Variants in CRPPA observed in about 807,000 individuals in gnomAD.
CRPPA encodes the protein D-ribitol-5-phosphate cytidylyltransferase.
A neutral mutation model predicts 52.0 loss-of-function variants in CRPPA; 43 were observed. That is an observed-to-expected ratio of 0.83 (90% CI 0.65 to 1.07). CRPPA has a LOEUF of 1.07. Ranked by LOEUF, CRPPA falls within the 50% of genes least tolerant of loss-of-function variation. The pLI is 0.00. For synonymous variants in CRPPA, 250 were observed against 203.5 expected (o/e 1.23, Z -1.94); for missense variants, 629 against 551.7 (o/e 1.14, Z -1.40).
At chr7:16,382,121 G>C (rs1350203099) in intron 2 of CRPPA, among the ~76,000 whole-genome samples, 4 of 152,056 alleles carry the variant, frequency 2.6e-5, no homozygotes, top group Non-Finnish European at 5.9e-5. Context: ...ATTTTGCAGT[G>C]GCTGGTACCG....
At chr7:16,250,081 G>A (rs1457967596) in intron 8 of CRPPA, among the ~76,000 whole-genome samples, 1 of 152,174 alleles carries the variant, frequency 6.6e-6, no homozygotes, top group East Asian at 1.9e-4. Context: ...ACTTCGTGAA[G>A]CATACACAAG....
chr7:16,242,758 C>T (rs983109958), intron 8 of CRPPA, among the ~76,000 whole-genome samples: 5 of 151,988 alleles, frequency 3.3e-5, no homozygotes, highest in Non-Finnish European at 7.4e-5. Context: ...TTATGCTGAC[C>T]AGTCTCCAAT....
intron 9 of CRPPA, among the ~76,000 whole-genome samples, chr7:16,183,855 C>A (rs1018717712): frequency 9.9e-5 from 15 of 151,930 alleles, no homozygotes; most frequent in Non-Finnish European, 1.0e-4. Context: ...TGAAAAATAC[C>A]CAAACTGATG....
At chr7:16,163,780 T>G (rs1265355096) in intron 9 of CRPPA, among the ~76,000 whole-genome samples, 3 of 152,176 alleles carry the variant, frequency 2.0e-5, no homozygotes, top group East Asian at 1.9e-4. Context: ...TATGAAGCTT[T>G]GTTTGGCTGC....
intron 8 of CRPPA, among the ~76,000 whole-genome samples, chr7:16,219,424 G>A (rs1782435029): frequency 9.8e-6 from 1 of 102,528 alleles, no homozygotes; most frequent in Non-Finnish European, 2.0e-5. Context: ...CTAGCAGAAG[G>A]CAAGAAATAA....
intron 2 of CRPPA, among the ~76,000 whole-genome samples, chr7:16,378,424 T>C (rs1315026783): frequency 1.3e-5 from 2 of 151,718 alleles, no homozygotes; most frequent in African/African-American, 4.8e-5. Context: ...TCCATGTCCC[T>C]ACAAAGGACA....
At chr7:16,127,590 C>T (rs1281608632) in intron 9 of CRPPA, among the ~76,000 whole-genome samples, 4 of 151,910 alleles carry the variant, frequency 2.6e-5, no homozygotes, top group Admixed American at 2.6e-4. Context: ...TTTGAAAACA[C>T]TGCAAATAAC....
chr7:16,207,471 A>G (rs945505029), intron 9 of CRPPA, among the ~76,000 whole-genome samples: 26 of 152,176 alleles, frequency 1.7e-4, no homozygotes, highest in Non-Finnish European at 3.4e-4. Context: ...TAAACACTGC[A>G]ATTTCACAGT....
intron 8 of CRPPA, among the ~76,000 whole-genome samples, chr7:16,221,026 A>G (rs937715097): frequency 4.6e-5 from 7 of 152,156 alleles, no homozygotes; most frequent in East Asian, 3.9e-4. Flanking sequence ...GAGGCATCAC[A>G]CTACCTGACT....
intron 1 of CRPPA, among the ~76,000 whole-genome samples, chr7:16,411,044 T>C (rs564691780): frequency 1.3e-5 from 2 of 152,220 alleles, no homozygotes; most frequent in African/African-American, 2.4e-5. Context: ...GCAAAAACTA[T>C]GTCCCAGAAC....
intron 9 of CRPPA, among the ~76,000 whole-genome samples, chr7:16,093,039 C>T (rs1781866495): frequency 6.6e-6 from 1 of 152,136 alleles, no homozygotes; most frequent in Non-Finnish European, 1.5e-5. Context: ...CTGACTCTAT[C>T]CTCCAGTCCA....
intron 9 of CRPPA, among the ~76,000 whole-genome samples, chr7:16,146,521 A>G (rs1008195954): frequency 6.6e-6 from 1 of 152,186 alleles, no homozygotes. Context: ...ACTTTCAACT[A>G]CAGTATACAG....
At chr7:16,202,696 T>C (rs989695040) in intron 9 of CRPPA, among the ~76,000 whole-genome samples, 2 of 152,158 alleles carry the variant, frequency 1.3e-5, no homozygotes, top group African/African-American at 4.8e-5. Flanking sequence ...TCATGCTCAA[T>C]GCAAACTGAA....
chr7:16,272,479 A>C (rs928726851), intron 6 of CRPPA, among the ~76,000 whole-genome samples: 7 of 152,188 alleles, frequency 4.6e-5, no homozygotes, highest in Non-Finnish European at 1.0e-4. Flanking sequence ...ACCCACACTG[A>C]TCTGCCCTAC....
chr7:16,317,579 A>G (rs557977466), intron 3 of CRPPA, among the ~76,000 whole-genome samples: 3 of 152,282 alleles, frequency 2.0e-5, no homozygotes, highest in South Asian at 4.1e-4. Context: ...TGTTAAAAAT[A>G]GTGGGATTTA....
intron 9 of CRPPA, among the ~76,000 whole-genome samples, chr7:16,186,962 G>A (rs913373216): frequency 6.6e-6 from 1 of 152,000 alleles, no homozygotes; most frequent in African/African-American, 2.4e-5. Flanking sequence ...TCACATTTTA[G>A]GCATATAATT....
chr7:16,091,860 G>T lies in CRPPA; in HGVS notation c.1252-61C>A, dbSNP rs1201975769. 9 of 998,866 alleles carry T rather than the reference G, an allele frequency of 9.0e-6. No homozygotes were observed. The East Asian group carries it at 2.1e-4, about 23-fold the overall frequency. 61.9% of individuals were successfully genotyped at this position (998,866 alleles called of 1,614,324 possible). A position where few individuals can be genotyped will look rare whatever the true frequency, so the allele number is the denominator to read the frequency against. On this transcript the variant is annotated intron_variant, in intron 9 of 9. Coordinates refer to ENST00000407010, the MANE Select transcript of CRPPA (RefSeq NM_001101426.4). ...AAAACATATGCCATGTGTTAAGTTT[G>T]ATAAAAAGCCACTTTTCAAGATCTG...
intron 9 of CRPPA, chr7:16,209,095 C>T: frequency 8.3e-6 from 3 of 360,198 alleles, no homozygotes; most frequent in South Asian, 4.9e-5. Flanking sequence ...CTCTGGTGGG[C>T]AGACTAAGCC....
At chr7:16,401,370 G>T (rs961102739) in intron 2 of CRPPA, among the ~76,000 whole-genome samples, 1 of 152,188 alleles carries the variant, frequency 6.6e-6, no homozygotes, top group African/African-American at 2.4e-5. Context: ...ATTTTGGAAA[G>T]AATGGTCAGA....
Sources: gnomAD v4.1 joint callset for allele counts (sites outside exome capture counted in the v4.1 genomes callset) on GRCh38, gnomAD v4.1.1 for gene constraint, MANE v1.5 for transcripts, NCBI Gene and HGNC (gene_info 2026-07-23, HGNC 2026-07-21) for gene names.